Variants in ARK2C observed in about 807,000 individuals in gnomAD.
ARK2C encodes E3 ubiquitin-protein ligase ARK2C.
chr18:46,443,715 C>T, the ARK2C span, among the ~76,000 whole-genome samples: 1 of 152,200 alleles, frequency 6.6e-6, no homozygotes, highest in Admixed American at 6.5e-5. Context: ...AAGCCCCAAA[C>T]AATTACTATT....
the ARK2C span, among the ~76,000 whole-genome samples, chr18:46,358,340 G>A: frequency 7.9e-5 from 12 of 152,176 alleles, no homozygotes; most frequent in South Asian, 2.1e-4. Flanking sequence ...CTAGTGTGAG[G>A]AAGTGAACGA....
At chr18:46,362,418 A>G in the ARK2C span, among the ~76,000 whole-genome samples, 1 of 152,224 alleles carries the variant, frequency 6.6e-6, no homozygotes, top group African/African-American at 2.4e-5. Flanking sequence ...TTGAGGGGAG[A>G]GTGTGTTGAG....
the ARK2C span, among the ~76,000 whole-genome samples, chr18:46,388,864 G>A: frequency 6.6e-6 from 1 of 152,018 alleles, no homozygotes; most frequent in African/African-American, 2.4e-5. Flanking sequence ...CTTAGGGGCA[G>A]TTAAAAACAG....
At chr18:46,457,621 A>C in the ARK2C span, 11 of 152,612 alleles carry the variant, frequency 7.2e-5, no homozygotes, top group African/African-American at 2.4e-4. Flanking sequence ...CTGGTACCCA[A>C]TGTGTTCCTG....
chr18:46,431,569 G>C, the ARK2C span, among the ~76,000 whole-genome samples: 1 of 152,148 alleles, frequency 6.6e-6, no homozygotes, highest in Non-Finnish European at 1.5e-5. Context: ...AGTGTTTTTG[G>C]CACCAAGTAG....
the ARK2C span, among the ~76,000 whole-genome samples, chr18:46,431,537 G>T: frequency 6.6e-6 from 1 of 152,176 alleles, no homozygotes; most frequent in African/African-American, 2.4e-5. Context: ...GGGTGCAGGG[G>T]AGGGGCACAC....
At chr18:46,392,387 C>A in the ARK2C span, among the ~76,000 whole-genome samples, 1 of 152,366 alleles carries the variant, frequency 6.6e-6, no homozygotes, top group African/African-American at 2.4e-5. Flanking sequence ...ACTCTGTAAG[C>A]TCCCCCAGGC....
At chr18:46,336,520 A>T in the ARK2C span, 1 of 985,338 alleles carries the variant, frequency 1.0e-6, no homozygotes, top group Admixed American at 6.1e-5. Context: ...ATAAGAGTTC[A>T]TGACCTTCCG....
chr18:46,380,689 C>G, the ARK2C span, among the ~76,000 whole-genome samples: 1 of 152,172 alleles, frequency 6.6e-6, no homozygotes, highest in Non-Finnish European at 1.5e-5. Context: ...CTCCAACCCC[C>G]AGTATCTGAG....
the ARK2C span, among the ~76,000 whole-genome samples, chr18:46,421,504 T>C: frequency 1.3e-5 from 2 of 152,224 alleles, no homozygotes; most frequent in African/African-American, 4.8e-5. Flanking sequence ...TGACCACATA[T>C]GCCTTCCACA....
chr18:46,434,217 CTT>C, the ARK2C span, among the ~76,000 whole-genome samples: 1 of 152,146 alleles, frequency 6.6e-6, no homozygotes, highest in Admixed American at 6.5e-5. Flanking sequence ...TCTCAGGACT[CTT>C]TTCCACTCTT....
chr18:46,380,287 T>C, the ARK2C span, among the ~76,000 whole-genome samples: 1 of 152,098 alleles, frequency 6.6e-6, no homozygotes, highest in African/African-American at 2.4e-5. Context: ...TGGAAGGGCG[T>C]CTTGGAAGAT....
At chr18:46,431,279 C>A in the ARK2C span, among the ~76,000 whole-genome samples, 2 of 152,176 alleles carry the variant, frequency 1.3e-5, no homozygotes, top group Non-Finnish European at 2.9e-5. Flanking sequence ...ACTTTGTAAT[C>A]AAACGACCGA....
the ARK2C span, among the ~76,000 whole-genome samples, chr18:46,408,728 C>T: frequency 3.6e-3 from 550 of 152,326 alleles, 3 homozygotes; most frequent in Non-Finnish European, 5.8e-3. Flanking sequence ...TTAGAACACA[C>T]CAGCCATTAG....
chr18:46,334,197 C>T, the ARK2C span: 1 of 939,102 alleles, frequency 1.1e-6, no homozygotes, highest in East Asian at 1.2e-4. This position sits in a 1 kb window ranked among gnomAD's most constrained non-coding sequence, Gnocchi z 4.4. Flanking sequence ...CCCGCCGCCG[C>T]CCGCGCCCGC....
At chr18:46,401,192 C>T in the ARK2C span, among the ~76,000 whole-genome samples, 1 of 152,018 alleles carries the variant, frequency 6.6e-6, no homozygotes, top group South Asian at 2.1e-4. Flanking sequence ...GCTGCTCCTC[C>T]CAGGCCTGTC....
At chr18:46,363,945 C>CTTTT in the ARK2C span, among the ~76,000 whole-genome samples, 2 of 125,574 alleles carry the variant, frequency 1.6e-5, no homozygotes, top group Non-Finnish European at 3.3e-5. Flanking sequence ...TTTTTCTTTT[C>CTTTT]TTTTTTTTTT....
the ARK2C span, among the ~76,000 whole-genome samples, chr18:46,418,460 T>A: frequency 4.6e-5 from 7 of 152,248 alleles, no homozygotes; most frequent in African/African-American, 1.4e-4. Flanking sequence ...AAGTTACTAA[T>A]TTTTTACATT....
the ARK2C span, among the ~76,000 whole-genome samples, chr18:46,421,981 C>T: frequency 6.8e-4 from 104 of 152,202 alleles, no homozygotes; most frequent in African/African-American, 2.5e-3. Context: ...GACTGGGAAC[C>T]AATAGATAGA....
Sources: allele counts gnomAD v4.1 joint callset (sites outside exome capture counted in the v4.1 genomes callset), GRCh38; gene constraint gnomAD v4.1.1; non-coding constraint Gnocchi (gnomAD v3.1); transcripts MANE v1.5; gene names NCBI Gene and HGNC (gene_info 2026-07-23, HGNC 2026-07-21).